Variants in NEK11 observed in about 807,000 individuals in gnomAD.
NEK11 encodes the protein NIMA related kinase 11, also known as serine/threonine-protein kinase Nek11.
In NEK11, 72 loss-of-function variants were observed where a neutral mutation model predicts 80.7. The ratio of observed to expected loss-of-function variants is 0.89; its 90% confidence interval spans 0.74 to 1.08. NEK11 has a LOEUF of 1.08. Among genes scored for constraint, NEK11 ranks in the 50% least tolerant of loss-of-function variants. NEK11 has a pLI of 0.00. For synonymous variants in NEK11, 251 were observed against 260.7 expected (o/e 0.96, Z 0.36); for missense variants, 764 against 763.6 (o/e 1.00, Z -0.01).
At chr3:131,054,795 AATG>A (rs776814212) in intron 3 of NEK11, among the ~76,000 whole-genome samples, 7,659 of 100,910 alleles carry the variant, frequency 0.076, 340 homozygotes, top group African/African-American at 0.17. Flanking sequence ...TAAATAAATG[AATG>A]AATGTACCCG....
intron 17 of NEK11, among the ~76,000 whole-genome samples, chr3:131,348,272 A>T (rs2110571035): frequency 6.6e-6 from 1 of 152,288 alleles, no homozygotes; most frequent in East Asian, 1.9e-4. Context: ...GGAGCAAAAA[A>T]AAGCTCATTG....
intron 17 of NEK11, among the ~76,000 whole-genome samples, chr3:131,317,175 A>G (rs2096849220): frequency 6.6e-6 from 1 of 152,194 alleles, no homozygotes; most frequent in Non-Finnish European, 1.5e-5. Flanking sequence ...AAGGCAAGCA[A>G]TTGCCACTTA....
At chr3:131,226,972 T>C (rs1429262223) in intron 14 of NEK11, among the ~76,000 whole-genome samples, 1 of 151,006 alleles carries the variant, frequency 6.6e-6, no homozygotes, top group Non-Finnish European at 1.5e-5. Context: ...ATAATAAAAA[T>C]AATAAAAACT....
At chr3:131,208,931 C>G (rs987993056) in intron 14 of NEK11, among the ~76,000 whole-genome samples, 1 of 152,184 alleles carries the variant, frequency 6.6e-6, no homozygotes, top group Non-Finnish European at 1.5e-5. Context: ...TTGACTTCCT[C>G]TTTTCCTAAT....
intron 16 of NEK11, among the ~76,000 whole-genome samples, chr3:131,272,200 G>T (rs965307981): frequency 2.0e-5 from 3 of 152,148 alleles, no homozygotes; most frequent in African/African-American, 7.2e-5. Context: ...TGTTATATGA[G>T]ATATGTTGAG....
chr3:131,288,221 T>C (rs550330866), intron 17 of NEK11, among the ~76,000 whole-genome samples: 2 of 152,286 alleles, frequency 1.3e-5, no homozygotes, highest in East Asian at 3.9e-4. Flanking sequence ...TATTGTCACC[T>C]TCTGTATCAT....
chr3:131,260,525 G>A (rs1247299494), intron 16 of NEK11, among the ~76,000 whole-genome samples: 1 of 152,138 alleles, frequency 6.6e-6, no homozygotes, highest in Non-Finnish European at 1.5e-5. Flanking sequence ...ACACAGCCAT[G>A]CTCATTCATT....
chr3:131,267,138 A>C (rs1000051169), intron 16 of NEK11, among the ~76,000 whole-genome samples: 1 of 152,174 alleles, frequency 6.6e-6, no homozygotes, highest in South Asian at 2.1e-4. Flanking sequence ...TTGACTCTCT[A>C]TCCAATTTGC....
intron 14 of NEK11, among the ~76,000 whole-genome samples, chr3:131,185,908 C>T (rs2093579994): frequency 6.6e-6 from 1 of 152,130 alleles, no homozygotes; most frequent in Non-Finnish European, 1.5e-5. Flanking sequence ...ATGGCATTTA[C>T]CAACTATGTG....
At chr3:131,113,997 T>G (rs1327386621) in intron 5 of NEK11, among the ~76,000 whole-genome samples, 1 of 151,792 alleles carries the variant, frequency 6.6e-6, no homozygotes, top group Non-Finnish European at 1.5e-5. Flanking sequence ...AAAAATTTCT[T>G]GTATTTCTGG....
At chr3:131,217,304 G>T (rs756182760) in intron 14 of NEK11, among the ~76,000 whole-genome samples, 1 of 152,118 alleles carries the variant, frequency 6.6e-6, no homozygotes, top group Non-Finnish European at 1.5e-5. Context: ...AATAGTGCCG[G>T]GGAAGGCATG....
chr3:131,251,610 T>C (rs1401957315), intron 16 of NEK11, among the ~76,000 whole-genome samples: 1 of 152,154 alleles, frequency 6.6e-6, no homozygotes, highest in East Asian at 1.9e-4. Context: ...TTTTCAGTTT[T>C]GGATACCTTT....
intron 5 of NEK11, among the ~76,000 whole-genome samples, chr3:131,116,203 C>T (rs191994450): frequency 6.6e-6 from 1 of 151,934 alleles, no homozygotes; most frequent in East Asian, 1.9e-4. Context: ...TCAGTTCTCA[C>T]CTATGAGTGA....
chr3:131,240,587 A>AAACAATATTTT (rs1190761340), intron 15 of NEK11, among the ~76,000 whole-genome samples: 1 of 152,194 alleles, frequency 6.6e-6, no homozygotes, highest in African/African-American at 2.4e-5. Context: ...CAGAAAAAGC[A>AAACAATATTTT]AACAATATTT....
At chr3:131,201,887 C>T (rs1337664383) in intron 14 of NEK11, among the ~76,000 whole-genome samples, 5 of 152,114 alleles carry the variant, frequency 3.3e-5, no homozygotes, top group South Asian at 4.2e-4. Flanking sequence ...CAGGCTGGAG[C>T]GCAGTGGCAC....
intron 16 of NEK11, among the ~76,000 whole-genome samples, chr3:131,261,643 G>T (rs182911792): frequency 5.9e-5 from 9 of 152,180 alleles, no homozygotes; most frequent in African/African-American, 1.9e-4. Flanking sequence ...AATAACTGTG[G>T]TCCCCTAACT....
intron 13 of NEK11, among the ~76,000 whole-genome samples, chr3:131,169,667 A>G (rs1038180865): frequency 6.6e-6 from 1 of 152,224 alleles, no homozygotes; most frequent in Non-Finnish European, 1.5e-5. Context: ...TGAAAAGTAC[A>G]TAGCAGATCA....
At chr3:131,133,110 G>T (rs1318235672) in intron 6 of NEK11, 1 of 345,118 alleles carries the variant, frequency 2.9e-6, no homozygotes, top group Non-Finnish European at 5.4e-6. Context: ...TTCATGCCAG[G>T]CACTTTACAA....
intron 17 of NEK11, among the ~76,000 whole-genome samples, chr3:131,342,292 A>G (rs565398819): frequency 2.0e-5 from 3 of 152,352 alleles, no homozygotes; most frequent in Admixed American, 2.0e-4. Context: ...CTTAATGAAG[A>G]TTCCGGATGC....
Sources: allele counts gnomAD v4.1 joint callset (sites outside exome capture counted in the v4.1 genomes callset), GRCh38; gene constraint gnomAD v4.1.1; transcripts MANE v1.5; gene names NCBI Gene and HGNC (gene_info 2026-07-23, HGNC 2026-07-21).